PCDHA3: variants seen among roughly 807,000 people sequenced by gnomAD.
The protein encoded by PCDHA3 is protocadherin alpha 3.
In PCDHA3, 41 loss-of-function variants were observed where a neutral mutation model predicts 62.2. The ratio of observed to expected loss-of-function variants is 0.66; its 90% CI spans 0.51 to 0.86. PCDHA3 has a LOEUF of 0.86. Among genes scored for constraint, PCDHA3 ranks in the 40% least tolerant of loss-of-function variants. The probability of loss-of-function intolerance (pLI) is 0.00; values close to 1 mark genes in which losing one functional copy is unlikely to be tolerated. For missense variants in PCDHA3, 1,304 were observed against 1,241.2 expected (o/e 1.05, Z -0.76); for synonymous variants, 640 against 555.4 (o/e 1.15, Z -2.14).
At chr5:140,864,048 T>G (rs1053633631) in intron 1 of PCDHA3, 9 of 152,932 alleles carry the variant, frequency 5.9e-5, no homozygotes, top group African/African-American at 2.2e-4. Flanking sequence ...CACTTTTTAC[T>G]ACAGTCACCA....
intron 1 of PCDHA3, among the ~76,000 whole-genome samples, chr5:140,874,822 T>C (rs2055124014): frequency 6.6e-6 from 1 of 152,252 alleles, no homozygotes; most frequent in East Asian, 1.9e-4. Context: ...TTTATATAAA[T>C]GAAATATTGT....
chr5:140,856,934 G>A, intron 1 of PCDHA3: 1 of 1,593,752 alleles, frequency 6.3e-7, no homozygotes. Context: ...TTGGATAAAC[G>A]AAAGGACGGG....
At chr5:140,919,069 A>G (rs2078992601) in intron 1 of PCDHA3, among the ~76,000 whole-genome samples, 1 of 152,200 alleles carries the variant, frequency 6.6e-6, no homozygotes, top group African/African-American at 2.4e-5. Context: ...TAAAGTCTCC[A>G]GTTATGACTA....
intron 1 of PCDHA3, among the ~76,000 whole-genome samples, chr5:140,973,915 A>T (rs1401328396): frequency 2.0e-5 from 3 of 152,242 alleles, no homozygotes; most frequent in African/African-American, 7.2e-5. Context: ...CATTCCTGTC[A>T]CCAAACCCAG....
rs1554262820 is a variant in PCDHA3, at chr5:141,010,243, G to A, written c.*306G>A. On this transcript the variant is annotated 3_prime_UTR_variant, in exon 4 of 4. Coordinates refer to ENST00000522353, the MANE Select transcript of PCDHA3 (RefSeq NM_018906.3). The stretch of plus-strand genomic sequence containing the variant: ...TTCCCAGCCCCGCCAGTGAGAGGTT[G>A]GACTCTCTGCCCTGTGCTCCGGGGA... 1 of 1,551,890 alleles carries A rather than the reference G, an allele frequency of 6.4e-7. No individual in the cohort carries two copies. Among genetic ancestry groups the A allele is most frequent in the Non-Finnish European group, 8.7e-7 (1 of 1,147,036 alleles).
intron 3 of PCDHA3, among the ~76,000 whole-genome samples, chr5:140,985,672 G>A (rs1195009915): frequency 6.6e-6 from 1 of 151,738 alleles, no homozygotes. Flanking sequence ...AGGAAGTGGG[G>A]CCTGCCTTAC....
At position 140,928,057 on chromosome 5, in the gene PCDHA3, G is replaced by T. The variant is rs150006101; in HGVS notation, c.2395-50892G>T. 1.4e-4 allele frequency: 234 copies of T among 1,614,060 alleles called. No individual in the cohort carries two copies. Among genetic ancestry groups the T allele is most frequent in the Non-Finnish European group, 1.9e-4 (219 of 1,180,052 alleles). On this transcript the variant is annotated intron_variant, in intron 1 of 3. Transcript: ENST00000522353. ...TAGTGCAGGCCCTTTTCAGCTGACG[G>T]CTTCCTTTGACAACTACTACAGCCT...
At chr5:140,855,753 G>A (rs1461376517) in intron 1 of PCDHA3, 1 of 333,040 alleles carries the variant, frequency 3.0e-6, no homozygotes, top group African/African-American at 2.1e-5. Context: ...GTGAGGCTTT[G>A]AAAGTCCATA....
rs372857774 is a variant in PCDHA3, at chr5:140,803,456, G to A, written c.2259G>A (p.Gln753=). Reference sequence around the variant, plus strand: ...TGGGGAGCTGGTCATACTCGCAGCAGAGGCAGCAGAGGGTGTGCTCTGGAG... The same window carrying A: ...TGGGGAGCTGGTCATACTCGCAGCAAAGGCAGCAGAGGGTGTGCTCTGGAG... ...SAVGSWSYSQ[Q]RQQRVCSGEG... is the part of the protein sequence containing the mutation. Residue 753 remains glutamine (Q), a synonymous_variant, in exon 1 of 4, where the codon CAG becomes CAA. Transcript: ENST00000522353. 6.2e-7 allele frequency: 1 copy of A among 1,614,138 alleles called. No individual in the cohort carries two copies. Among genetic ancestry groups the A allele is most frequent in the Non-Finnish European group, 8.5e-7 (1 of 1,180,050 alleles).
chr5:140,807,497 A>T, intron 1 of PCDHA3: 1 of 1,613,722 alleles, frequency 6.2e-7, no homozygotes, highest in African/African-American at 1.3e-5. Flanking sequence ...GGAGTGCAGC[A>T]TCCACCTGGA....
intron 1 of PCDHA3, among the ~76,000 whole-genome samples, chr5:140,879,240 C>T (rs1266442175): frequency 6.6e-6 from 1 of 152,134 alleles, no homozygotes; most frequent in Non-Finnish European, 1.5e-5. Flanking sequence ...ACAAGAGGCA[C>T]TGGCAAAGTA....
At chr5:140,884,706 C>T (rs1554181856) in intron 1 of PCDHA3, 3 of 1,489,002 alleles carry the variant, frequency 2.0e-6, no homozygotes, top group Non-Finnish European at 8.9e-7. Flanking sequence ...ACACTTTAGC[C>T]TTCCTTGCAG....
chr5:140,851,482 A>G lies in PCDHA3; in HGVS notation c.2394+47891A>G, dbSNP rs920921115. ...AATTATGTCAATAAATGTTATAAAC[A>G]CAGCCTTCATTTCAACTTATATAAA... On this transcript the variant is annotated intron_variant, in intron 1 of 3. Coordinates refer to ENST00000522353, the MANE Select transcript of PCDHA3 (RefSeq NM_018906.3). 35 of 893,414 alleles carry G rather than the reference A, an allele frequency of 3.9e-5. 3 individuals carry two copies. The highest frequency in any genetic ancestry group is 4.2e-5 in the Non-Finnish European group (31 of 732,620). The allele number at this position is 893,414 out of a possible 1,614,324, so 55.3% of individuals were successfully genotyped here. A position where few individuals can be genotyped will look rare whatever the true frequency, so the allele number is the denominator to read the frequency against.
At chr5:140,948,519 CTA>C (rs2094266581) in intron 1 of PCDHA3, among the ~76,000 whole-genome samples, 1 of 151,476 alleles carries the variant, frequency 6.6e-6, no homozygotes, top group African/African-American at 2.4e-5. Context: ...AATGTTAACA[CTA>C]TTTATATTTT....
Position 140,802,659 on chromosome 5 carries a change from G to A in PCDHA3, c.1462G>A (p.Ala488Thr), listed in dbSNP as rs1581653520. ...SARDADAQEN[A>T]LVSYSLVERR... ...GCGGGACGCGGACGCGCAGGAGAAC[G>A]CCCTGGTGTCCTACTCGCTGGTGGA... Residue 488 changes from alanine to threonine, a missense_variant, in exon 1 of 4, where the codon GCC becomes ACC. Transcript: ENST00000522353. The A allele has an allele frequency of 6.2e-7, 1 of 1,613,582 alleles. No individual in the cohort carries two copies. The highest frequency in any genetic ancestry group is 8.5e-7 in the Non-Finnish European group (1 of 1,179,856).
At chr5:140,871,649 G>T (rs781859029) in intron 1 of PCDHA3, 1 of 1,265,824 alleles carries the variant, frequency 7.9e-7, no homozygotes, top group Admixed American at 2.9e-5. Flanking sequence ...AATACCAAAT[G>T]ATACACATCT....
At chr5:140,864,105 T>C (rs1413292385) in intron 1 of PCDHA3, 1 of 152,314 alleles carries the variant, frequency 6.6e-6, no homozygotes, top group Non-Finnish European at 1.5e-5. Flanking sequence ...ATAATGATAA[T>C]AGTAATAATG....
intron 3 of PCDHA3, among the ~76,000 whole-genome samples, chr5:141,000,180 T>G (rs2153962126): frequency 6.6e-6 from 1 of 151,688 alleles, no homozygotes; most frequent in South Asian, 2.1e-4. Flanking sequence ...AGCCAAGGAG[T>G]CAATGTGAGA....
At chr5:140,914,646 C>A (rs2076792238) in intron 1 of PCDHA3, among the ~76,000 whole-genome samples, 1 of 152,018 alleles carries the variant, frequency 6.6e-6, no homozygotes, top group Admixed American at 6.5e-5. Context: ...ATGGTCATCT[C>A]TCCCTTCTTT....
Sources: allele counts gnomAD v4.1 joint callset (sites outside exome capture counted in the v4.1 genomes callset), GRCh38; gene constraint gnomAD v4.1.1; transcripts MANE v1.5; gene names NCBI Gene and HGNC (gene_info 2026-07-23, HGNC 2026-07-21).